The following TOMM34 variants were observed in gnomAD, a reference collection of about 807,000 sequenced individuals.
TOMM34 encodes mitochondrial import receptor subunit TOM34.
A neutral mutation model predicts 37.4 loss-of-function variants in TOMM34; 24 were observed. That is an observed-to-expected ratio of 0.64 (90% CI 0.46 to 0.90). The LOEUF is 0.90. Among genes scored for constraint, TOMM34 ranks in the 40% least tolerant of loss-of-function variants. TOMM34 has a pLI of 0.00. For missense variants in TOMM34, 304 were observed against 375.6 expected, an observed-to-expected ratio of 0.81 and a Z score of 1.58; for synonymous variants, 154 against 148.9, an observed-to-expected ratio of 1.03 and a Z score of -0.25.
Position 44,942,945 on chromosome 20 carries a change from G to A in TOMM34, c.*164C>T. On this transcript the variant is annotated 3_prime_UTR_variant, in exon 7 of 7. Coordinates refer to ENST00000372813, the MANE Select transcript of TOMM34 (RefSeq NM_006809.5). The stretch of plus-strand genomic sequence containing the variant: ...TGTTTGACTACACTGAGTTTAATTT[G>A]AACAAGCAAAGCCTCTTACAGGGTG... The A allele has an allele frequency of 1.5e-6, 1 of 645,810 alleles. No individual in the cohort carries two copies. Among genetic ancestry groups the A allele is most frequent in the South Asian group, 1.9e-5 (1 of 51,914 alleles). 40.0% of individuals were successfully genotyped at this position (645,810 alleles called of 1,614,324 possible). A position where few individuals can be genotyped will look rare whatever the true frequency, so the allele number is the denominator to read the frequency against.
intron 1 of TOMM34, among the ~76,000 whole-genome samples, chr20:44,959,232 A>G (rs1006076615): frequency 5.3e-5 from 8 of 152,170 alleles, no homozygotes; most frequent in Non-Finnish European, 1.5e-5. Context: ...GGCAAAGGGA[A>G]ATAGGTACTG....
At position 44,955,084 on chromosome 20, in the gene TOMM34, C is replaced by T. The variant is rs140017250; in HGVS notation, c.364G>A (p.Val122Ile). Residue 122 changes from valine (V) to isoleucine (I), a missense_variant, in exon 3 of 7, where the codon GTA becomes ATA. Physicochemically the swap from Val to Ile is conservative, Grantham distance 29. Coordinates refer to ENST00000372813, the MANE Select transcript of TOMM34 (RefSeq NM_006809.5). The stretch of plus-strand genomic sequence containing the variant: ...GGAGCTCACCTGTTGATGCCTTCTA[C>T]GGCTGACGTCACATTATCATCAATC... ...LQIDDNVTSA[V>I]EGINRMTRAL... 1.7e-4 allele frequency: 282 copies of T among 1,614,118 alleles called. No individual in the cohort carries two copies. The highest frequency in any genetic ancestry group is 2.3e-4 in the Admixed American group (14 of 60,020).
At chr20:44,952,061 CT>C in intron 3 of TOMM34, 59 bp from the exon 4 acceptor site, 1 of 1,555,300 alleles carries the variant, frequency 6.4e-7, no homozygotes. Context: ...GATATTTCTC[CT>C]TTCACACACC....
Position 44,943,359 on chromosome 20 carries a change from A to G in TOMM34, c.825+94T>C. The G allele has an allele frequency of 2.5e-6, 4 of 1,598,230 alleles. No homozygotes were observed. In the South Asian group the frequency reaches 3.4e-5, roughly 13 times the overall value. ...CCAGGATGAGAAGGAAAAGCTGCAGATATTGTCTCAGCTTGGCTACACCCT... is the reference window on the plus strand; with the variant it reads ...CCAGGATGAGAAGGAAAAGCTGCAGGTATTGTCTCAGCTTGGCTACACCCT... On this transcript the variant is annotated intron_variant, in intron 6 of 6. Coordinates refer to ENST00000372813, the MANE Select transcript of TOMM34 (RefSeq NM_006809.5).
chr20:44,949,201 A>G (rs1300348302), intron 4 of TOMM34, among the ~76,000 whole-genome samples: 2 of 152,172 alleles, frequency 1.3e-5, no homozygotes, highest in African/African-American at 4.8e-5. Context: ...TGTGTGACCT[A>G]CCTAACTTTT....
intron 5 of TOMM34, among the ~76,000 whole-genome samples, chr20:44,945,576 C>CA (rs1267664654): frequency 6.6e-6 from 1 of 152,244 alleles, no homozygotes; most frequent in Non-Finnish European, 1.5e-5. Flanking sequence ...CAGCAGCACA[C>CA]ATGAAAAGGC....
rs775590559 is a variant in TOMM34 at position 44,943,245 on chromosome 20, A to G, written c.826-32T>C. 8.1e-6 allele frequency: 13 copies of G among 1,612,488 alleles called. No homozygotes were observed. The South Asian group carries it at 1.3e-4, about 16-fold the overall frequency. ...GAAGAAAAGACAGGAGTGTGGGGGA[A>G]GGTTCCCGGACTGGGGTGGGGATAG... On this transcript the variant is annotated intron_variant, in intron 6 of 6. Transcript: ENST00000372813.
In TOMM34 at chr20:44,960,361, C is replaced by G. The variant is rs531020626; in HGVS notation, c.-28G>C. The G allele has an allele frequency of 2.0e-6, 3 of 1,536,062 alleles. No homozygotes were observed. Among genetic ancestry groups the G allele is most frequent in the South Asian group, 2.4e-5 (2 of 81,792 alleles). ...CGTGGCCAGGCCGGCGAGTTGGGAGCTCCTTCCTTCCTCCCCCGTGTGGTG... is the reference window on the plus strand; with the variant it reads ...CGTGGCCAGGCCGGCGAGTTGGGAGGTCCTTCCTTCCTCCCCCGTGTGGTG... On this transcript the variant is annotated 5_prime_UTR_variant, in exon 1 of 7. Coordinates refer to ENST00000372813, the MANE Select transcript of TOMM34 (RefSeq NM_006809.5).
intron 5 of TOMM34, among the ~76,000 whole-genome samples, chr20:44,945,032 C>A (rs547261192): frequency 4.6e-5 from 7 of 152,282 alleles, no homozygotes; most frequent in Non-Finnish European, 8.8e-5. Context: ...TTAATGGTTT[C>A]GCTTTTTACA....
intron 6 of TOMM34, 36 bp downstream of exon 6, chr20:44,943,417 C>G: frequency 6.2e-7 from 1 of 1,613,782 alleles, no homozygotes; most frequent in Non-Finnish European, 8.5e-7. Context: ...ATCTCTGTAG[C>G]TATGTTGGGA....
At position 44,952,573 on chromosome 20, in the gene TOMM34, G is replaced by A. The variant is rs2067035442; in HGVS notation, c.381-571C>T. On this transcript the variant is annotated intron_variant, in intron 3 of 6. Coordinates refer to ENST00000372813, the MANE Select transcript of TOMM34 (RefSeq NM_006809.5). ...TTGCACATGCTTTTTCCTCTACCCA[G>A]AACAACCATTTTCATTTTGGAAAAA... The A allele has an allele frequency of 2.8e-5, 20 of 716,910 alleles. No homozygotes were observed. In the South Asian group the frequency reaches 2.8e-4, roughly 10 times the overall value. 44.4% of individuals were successfully genotyped at this position (716,910 alleles called of 1,614,324 possible).
chr20:44,951,923 C>A lies in TOMM34; in HGVS notation c.460G>T (p.Ala154Ser). The A allele has an allele frequency of 6.2e-7, 1 of 1,614,130 alleles. No homozygotes were observed. The highest frequency in any genetic ancestry group is 2.2e-5 in the East Asian group (1 of 44,888). ...GGCAAGGAATTCCACCTCTTCTGAGCTGAAACAGGCACCAAGGGGATTGAG... is the reference window on the plus strand; with the variant it reads ...GGCAAGGAATTCCACCTCTTCTGAGATGAAACAGGCACCAAGGGGATTGAG... The part of the protein sequence containing the change: ...LPSIPLVPVS[A>S]QKRWNSLPSE... The change falls in exon 4 of 7, where the codon GCT becomes TCT. Residue 154 changes from alanine to serine, a missense_variant. Physicochemically the swap from Ala to Ser is moderately conservative, Grantham distance 99 (BLOSUM62 1). Transcript: ENST00000372813.
At chr20:44,959,617 GA>G (rs1410936625) in intron 1 of TOMM34, among the ~76,000 whole-genome samples, 2 of 151,868 alleles carry the variant, frequency 1.3e-5, no homozygotes, top group African/African-American at 2.4e-5. Context: ...TATCGTCTTG[GA>G]GGGGGGGCCT....
At position 44,942,898 on chromosome 20, in the gene TOMM34, T is replaced by C. The variant is rs778511303; in HGVS notation, c.*211A>G. On this transcript the variant is annotated 3_prime_UTR_variant, in exon 7 of 7. Transcript: ENST00000372813. ...CACGCTTAGCTCTAGTGGGGACCTT[T>C]CTGGTGCAACAACCATGTCTGTGTT... is the stretch of plus-strand genomic sequence containing the variant. 12 of 602,912 alleles carry C rather than the reference T, an allele frequency of 2.0e-5. No homozygotes were observed. Among genetic ancestry groups the C allele is most frequent in the Non-Finnish European group, 3.6e-5 (12 of 337,318 alleles). The allele number at this position is 602,912 out of a possible 1,614,324, so 37.3% of individuals were successfully genotyped here. A position where few individuals can be genotyped will look rare whatever the true frequency, so the allele number is the denominator to read the frequency against.
At chr20:44,951,783 A>T in intron 4 of TOMM34, 50 bp downstream of exon 4, 1 of 1,568,612 alleles carries the variant, frequency 6.4e-7, no homozygotes, top group Non-Finnish European at 8.6e-7. Flanking sequence ...ACTCTAAAGA[A>T]AATGGATAGT....
At position 44,943,032 on chromosome 20, in the gene TOMM34, G is replaced by A. The variant is rs944839683; in HGVS notation, c.*77C>T. 4.6e-5 allele frequency: 66 copies of A among 1,437,118 alleles called. No homozygotes were observed. The highest frequency in any genetic ancestry group is 6.3e-5 in the Non-Finnish European group (64 of 1,023,932). The allele number at this position is 1,437,118 out of a possible 1,614,324, so 89.0% of individuals were successfully genotyped here. A position where few individuals can be genotyped will look rare whatever the true frequency, so the allele number is the denominator to read the frequency against. ...CTCACTTGGGGCATGCTGGGTTTCA[G>A]GAGCGGGCACAGAGCAGGTGGCCCA... On this transcript the variant is annotated 3_prime_UTR_variant, in exon 7 of 7. Transcript: ENST00000372813.
At chr20:44,947,170 A>G (rs1289536605) in intron 5 of TOMM34, among the ~76,000 whole-genome samples, 2 of 152,216 alleles carry the variant, frequency 1.3e-5, no homozygotes, top group African/African-American at 4.8e-5. Flanking sequence ...CCACACAAAT[A>G]TGGAACAAAT....
chr20:44,951,888 G>C lies in TOMM34; in HGVS notation c.495C>G (p.Asn165Lys). ...ATTTGCTTTTAGCCATCTCTTTGTG[G>C]TTCTCCGAAGGCAAGGAATTCCACC... The part of the protein sequence containing the change: ...QKRWNSLPSE[N>K]HKEMAKSKSK... Residue 165 changes from asparagine (N) to lysine (K), a missense_variant, in exon 4 of 7, where the codon AAC (asparagine) becomes AAG (lysine). Transcript: ENST00000372813. 6.2e-7 allele frequency: 1 copy of C among 1,614,090 alleles called. No homozygotes were observed. Among genetic ancestry groups the C allele is most frequent in the Non-Finnish European group, 8.5e-7 (1 of 1,179,988 alleles).
At chr20:44,952,053 T>G in intron 3 of TOMM34, 51 bp from the exon 4 acceptor site, 1 of 1,566,572 alleles carries the variant, frequency 6.4e-7, no homozygotes, top group Non-Finnish European at 8.6e-7. Flanking sequence ...GTCAAGAAGA[T>G]ATTTCTCCTT....
Sources: gnomAD v4.1 joint callset for allele counts (sites outside exome capture counted in the v4.1 genomes callset) on GRCh38, gnomAD v4.1.1 for gene constraint, MANE v1.5 for transcripts, NCBI Gene and HGNC (gene_info 2026-07-23, HGNC 2026-07-21) for gene names.